Variants in SPAG17 observed in about 807,000 individuals in gnomAD.
The protein encoded by SPAG17 is sperm associated antigen 17.
In SPAG17, 169 loss-of-function variants were observed where a neutral mutation model predicts 273.6. The observed-to-expected ratio is 0.62, with a 90% CI of 0.55 to 0.70. The LOEUF (loss-of-function observed/expected upper bound fraction) is 0.70, where lower values mean the gene tolerates loss of function less well. Among genes scored for constraint, SPAG17 ranks in the 30% least tolerant of loss-of-function variants. The pLI is 0.00. For missense variants in SPAG17, 2,557 were observed against 2,627.8 expected, an observed-to-expected ratio of 0.97 and a Z score of 0.59; for synonymous variants, 825 against 873.2, an observed-to-expected ratio of 0.94 and a Z score of 0.97.
At chr1:118,118,100 A>G (rs1039325104) in intron 3 of SPAG17, among the ~76,000 whole-genome samples, 1 of 152,232 alleles carries the variant, frequency 6.6e-6, no homozygotes, top group Non-Finnish European at 1.5e-5. Flanking sequence ...TGAAAAACAA[A>G]TCTTTCAGGA....
intron 4 of SPAG17, among the ~76,000 whole-genome samples, chr1:118,109,409 C>T (rs191354305): frequency 0.011 from 1,696 of 149,196 alleles, 19 homozygotes; most frequent in Non-Finnish European, 0.018. Context: ...AAAAATTAGC[C>T]GGGTGTTGTG....
At chr1:118,003,643 T>A (rs988901413) in intron 32 of SPAG17, among the ~76,000 whole-genome samples, 2 of 152,226 alleles carry the variant, frequency 1.3e-5, no homozygotes, top group Non-Finnish European at 1.5e-5. Flanking sequence ...GAAGTTCTCA[T>A]GTCATGGTTT....
In SPAG17 at chr1:118,101,915, G is replaced by A; in HGVS notation, c.459C>T (p.Asp153=). Reference sequence around the variant, plus strand: ...CTTTATCCTTTTCTAACTTAGGTTTGTCTTCTATTACCTGGAATGAGAGAA... The same window carrying A: ...CTTTATCCTTTTCTAACTTAGGTTTATCTTCTATTACCTGGAATGAGAGAA... ...RRENEKKVIE[D]KPKLEKDKGK... Residue 153 remains aspartate, a synonymous_variant, in exon 5 of 49, where the codon GAC becomes GAT. Transcript: ENST00000336338. The A allele has an allele frequency of 6.2e-7, 1 of 1,612,138 alleles. No homozygotes were observed. The highest frequency in any genetic ancestry group is 1.7e-4 in the Middle Eastern group (1 of 6,050).
chr1:117,981,406 A>G lies in SPAG17; in HGVS notation c.5873-5T>C. On this transcript the variant is annotated splice_polypyrimidine_tract_variant and splice_region_variant and intron_variant, in intron 42 of 48. Coordinates refer to ENST00000336338, the MANE Select transcript of SPAG17 (RefSeq NM_206996.4). ...AAACCTTATGTGGCTTGAAATCTAG[A>G]AAACCCAAAATGAACCTTATAAAGT... 1.3e-6 allele frequency: 2 copies of G among 1,591,586 alleles called. No individual in the cohort carries two copies. Among genetic ancestry groups the G allele is most frequent in the Non-Finnish European group, 1.7e-6 (2 of 1,174,766 alleles).
chr1:118,114,044 A>G (rs1343640896), intron 4 of SPAG17, among the ~76,000 whole-genome samples: 1 of 152,112 alleles, frequency 6.6e-6, no homozygotes, highest in Non-Finnish European at 1.5e-5. Flanking sequence ...AAAGTGCAGA[A>G]ATTTTTGCAA....
intron 17 of SPAG17, among the ~76,000 whole-genome samples, chr1:118,069,004 G>C (rs889725051): frequency 6.6e-6 from 1 of 152,146 alleles, no homozygotes; most frequent in African/African-American, 2.4e-5. Context: ...GGCAAGAGTG[G>C]AAGCAGGTAA....
intron 1 of SPAG17, among the ~76,000 whole-genome samples, chr1:118,183,078 A>G (rs923088639): frequency 6.6e-6 from 1 of 152,186 alleles, no homozygotes; most frequent in Admixed American, 6.5e-5. Context: ...GTTCAAAAAT[A>G]CTATTGATTT....
chr1:118,063,893 A>C (rs1400039164), intron 18 of SPAG17, among the ~76,000 whole-genome samples: 1 of 152,228 alleles, frequency 6.6e-6, no homozygotes, highest in Non-Finnish European at 1.5e-5. Flanking sequence ...TTACAAGAAA[A>C]AAACAAACAA....
intron 18 of SPAG17, among the ~76,000 whole-genome samples, chr1:118,065,351 C>T (rs768796656): frequency 2.6e-5 from 4 of 152,094 alleles, no homozygotes; most frequent in Non-Finnish European, 5.9e-5. Context: ...TTTTTATCTG[C>T]AAGCTCTACC....
chr1:118,110,328 A>G (rs1287293752), intron 4 of SPAG17, among the ~76,000 whole-genome samples: 1 of 152,198 alleles, frequency 6.6e-6, no homozygotes, highest in African/African-American at 2.4e-5. Flanking sequence ...CAATGATTAC[A>G]GCTGCGTAAA....
chr1:118,113,555 T>G (rs751775077), intron 4 of SPAG17, among the ~76,000 whole-genome samples: 1 of 152,148 alleles, frequency 6.6e-6, no homozygotes, highest in Non-Finnish European at 1.5e-5. Flanking sequence ...CTTACTCATA[T>G]GGTTGTGACT....
At position 118,165,967 on chromosome 1, in the gene SPAG17, C is replaced by T. The variant is rs74645228; in HGVS notation, c.88-14598G>A. 2.9e-3 allele frequency among the ~76,000 whole-genome samples: 442 copies of T among 152,226 alleles called. 12 individuals carry two copies. The East Asian group carries it at 0.061, about 21-fold the overall frequency. ...CGAAATCTTTCTTTTTACCTAGCATCCTAAATATTTGATGTGAAGACAGAG... is the reference window on the plus strand; with the variant it reads ...CGAAATCTTTCTTTTTACCTAGCATTCTAAATATTTGATGTGAAGACAGAG... On this transcript the variant is annotated intron_variant, in intron 1 of 48. Transcript: ENST00000336338.
chr1:118,135,994 C>T (rs148611848), intron 3 of SPAG17, among the ~76,000 whole-genome samples: 87 of 152,314 alleles, frequency 5.7e-4, no homozygotes, highest in African/African-American at 2.0e-3. Context: ...ACTGCAGGCA[C>T]TGGGCAAGTC....
At chr1:118,067,483 C>T (rs1409621008) in intron 17 of SPAG17, among the ~76,000 whole-genome samples, 2 of 152,176 alleles carry the variant, frequency 1.3e-5, no homozygotes, top group Non-Finnish European at 2.9e-5. Context: ...TCCCCACTCC[C>T]TCTTACTCTC....
At chr1:117,960,763 A>G (rs962516655) in intron 48 of SPAG17, 4 of 151,932 alleles carry the variant, frequency 2.6e-5, no homozygotes, top group African/African-American at 9.7e-5. Context: ...TCTTTACATT[A>G]TTTTACATTT....
intron 32 of SPAG17, among the ~76,000 whole-genome samples, chr1:118,005,027 T>C (rs933179665): frequency 6.6e-6 from 1 of 152,216 alleles, no homozygotes; most frequent in Non-Finnish European, 1.5e-5. Context: ...CTTCTTACCA[T>C]CTTACTCTGT....
At chr1:118,018,139 CTGAG>C (rs1332259444) in intron 28 of SPAG17, among the ~76,000 whole-genome samples, 1 of 152,116 alleles carries the variant, frequency 6.6e-6, no homozygotes, top group Non-Finnish European at 1.5e-5. Context: ...CTGTGTGATT[CTGAG>C]TATTTGTTTT....
intron 47 of SPAG17, chr1:117,964,566 G>T (rs1276338995): frequency 6.6e-6 from 1 of 152,044 alleles, no homozygotes. Flanking sequence ...AGAGAAAAAG[G>T]GAGGGGAGGA....
chr1:118,009,367 A>G (rs1349159679), intron 30 of SPAG17, among the ~76,000 whole-genome samples: 1 of 152,118 alleles, frequency 6.6e-6, no homozygotes, highest in African/African-American at 2.4e-5. Flanking sequence ...ATCATTTTGT[A>G]CATCTTAAAT....
Sources: allele counts gnomAD v4.1 joint callset (sites outside exome capture counted in the v4.1 genomes callset), GRCh38; gene constraint gnomAD v4.1.1; transcripts MANE v1.5; gene names NCBI Gene and HGNC (gene_info 2026-07-23, HGNC 2026-07-21).